NPIPB11: variants seen among roughly 807,000 people sequenced by gnomAD.
NPIPB11 encodes the protein nuclear pore complex-interacting protein family member B11.
In NPIPB11, 17 loss-of-function variants were observed where a neutral mutation model predicts 32.8. The ratio of observed to expected loss-of-function variants is 0.52; its 90% confidence interval spans 0.35 to 0.78. The LOEUF (loss-of-function observed/expected upper bound fraction) is 0.78. Ranked by LOEUF, NPIPB11 falls within the 30% of genes least tolerant of loss-of-function variation. The pLI is 0.01. For missense variants in NPIPB11, 537 were observed against 1,000.4 expected (o/e 0.54, Z 6.25); for synonymous variants, 209 against 398.4 (o/e 0.52, Z 5.66).
chr16:29,390,412 T>A (rs1475043071), intron 3 of NPIPB11, 64 bp from the exon 4 acceptor site: 28 of 1,595,052 alleles, frequency 1.8e-5, no homozygotes, highest in Non-Finnish European at 2.4e-5. Flanking sequence ...ATCCCAGTAC[T>A]TCGGGAAGCT....
upstream of NPIPB11, among the ~76,000 whole-genome samples, chr16:29,405,222 A>G (rs1395568707): frequency 6.6e-6 from 1 of 152,072 alleles, no homozygotes; most frequent in Non-Finnish European, 1.5e-5. Flanking sequence ...TTTCCTAAAT[A>G]TGCAAGAAAA....
chr16:29,392,578 TG>T (rs1419255412), intron 3 of NPIPB11, among the ~76,000 whole-genome samples: 1 of 150,896 alleles, frequency 6.6e-6, no homozygotes, highest in Non-Finnish European at 1.5e-5. Flanking sequence ...GGCATGGTGG[TG>T]GGCACCTGTA....
intron 5 of NPIPB11, among the ~76,000 whole-genome samples, chr16:29,389,260 G>T (rs944672393): frequency 6.6e-6 from 1 of 150,720 alleles, no homozygotes; most frequent in African/African-American, 2.4e-5. Context: ...AGCTACTCGG[G>T]AGGCTGAGGC....
chr16:29,402,867 G>A (rs1964030186), intron 2 of NPIPB11, among the ~76,000 whole-genome samples: 1 of 126,016 alleles, frequency 7.9e-6, no homozygotes. Context: ...ATTACTATTG[G>A]ACTTTTTGTA....
At chr16:29,396,865 A>G (rs1223429759) in intron 2 of NPIPB11, among the ~76,000 whole-genome samples, 1 of 150,906 alleles carries the variant, frequency 6.6e-6, no homozygotes, top group Non-Finnish European at 1.5e-5. Context: ...AAGGTTATAT[A>G]TTTTGGCCAG....
chr16:29,406,214 G>A (rs565831798), upstream of NPIPB11, among the ~76,000 whole-genome samples: 346 of 152,316 alleles, frequency 2.3e-3, 1 homozygote, highest in African/African-American at 8.2e-3. Context: ...GATTTATTTG[G>A]TAGATTAAAT....
intron 5 of NPIPB11, among the ~76,000 whole-genome samples, chr16:29,389,194 C>CAAAA (rs1166217249): frequency 4.0e-5 from 2 of 50,328 alleles, no homozygotes; most frequent in African/African-American, 1.5e-4. Context: ...GACTCTGTCT[C>CAAAA]AAAAAAAAAA....
At chr16:29,402,846 CTAATT>C (rs944230535) in intron 2 of NPIPB11, among the ~76,000 whole-genome samples, 17 of 132,558 alleles carry the variant, frequency 1.3e-4, no homozygotes, top group South Asian at 2.4e-4. Context: ...AACTTAATGA[CTAATT>C]TAATTATTAC....
chr16:29,400,986 T>A (rs376365876), intron 2 of NPIPB11, among the ~76,000 whole-genome samples: 10 of 152,124 alleles, frequency 6.6e-5, no homozygotes, highest in Non-Finnish European at 1.0e-4. Context: ...TGGGGCCTCA[T>A]GGAGCATCTC....
upstream of NPIPB11, among the ~76,000 whole-genome samples, chr16:29,406,697 G>C (rs1362529835): frequency 2.6e-5 from 4 of 151,644 alleles, no homozygotes; most frequent in Non-Finnish European, 5.9e-5. Flanking sequence ...CTGGGTGACA[G>C]AGGTAGAATC....
upstream of NPIPB11, among the ~76,000 whole-genome samples, chr16:29,405,615 A>G (rs1964097292): frequency 6.6e-6 from 1 of 152,154 alleles, no homozygotes; most frequent in East Asian, 1.9e-4. Flanking sequence ...TCACACGGCT[A>G]GTAAGTGTGG....
At chr16:29,394,542 C>T in intron 2 of NPIPB11, among the ~76,000 whole-genome samples, 1 of 150,988 alleles carries the variant, frequency 6.6e-6, no homozygotes, top group Non-Finnish European at 1.5e-5. Flanking sequence ...TCAAGCCATT[C>T]TCCTGCCTCA....
chr16:29,400,933 CCT>C lies in NPIPB11; in HGVS notation c.120+2748_120+2749del, dbSNP rs200711738. On this transcript the variant is annotated intron_variant, in intron 2 of 7. Transcript: ENST00000524087. ...CCCCCACTATCCCCACAGACGATTC[CCT>C]GTCCCTTGCCTCATGCTCCGGCAGG... 2.5e-3 allele frequency among the ~76,000 whole-genome samples: 381 copies of C among 152,192 alleles called. 4 individuals are homozygous for C. In the East Asian group the frequency reaches 0.027, roughly 11 times the overall value.
At chr16:29,397,998 G>A (rs1171639921) in intron 2 of NPIPB11, among the ~76,000 whole-genome samples, 22 of 89,230 alleles carry the variant, frequency 2.5e-4, no homozygotes, top group South Asian at 1.6e-3. Context: ...ATTAGAGGGA[G>A]ACAAAAAGGT....
At chr16:29,394,632 A>G (rs916311841) in intron 2 of NPIPB11, among the ~76,000 whole-genome samples, 1 of 151,640 alleles carries the variant, frequency 6.6e-6, no homozygotes, top group African/African-American at 2.4e-5. Context: ...ATGAGGTTTC[A>G]CCATGTTGGC....
intron 3 of NPIPB11, among the ~76,000 whole-genome samples, chr16:29,390,562 G>A (rs539467328): frequency 5.3e-5 from 8 of 150,772 alleles, no homozygotes; most frequent in Admixed American, 2.0e-4. Flanking sequence ...CTGAGGCAGA[G>A]AACCGTTTGA....
chr16:29,390,458 G>C lies in NPIPB11; in HGVS notation c.250-110C>G, dbSNP rs1374442991. On this transcript the variant is annotated intron_variant, in intron 3 of 7. Coordinates refer to ENST00000524087, the Ensembl canonical transcript of NPIPB11. ...GATCACGGGGTCAGGAGCAAGACCA[G>C]CCTGGCCAAGATGGTGAAACCCCAT... is the stretch of plus-strand genomic sequence containing the variant. 20 of 1,540,390 alleles carry C rather than the reference G, an allele frequency of 1.3e-5. No individual in the cohort carries two copies. In the Middle Eastern group the frequency reaches 1.2e-3, roughly 89 times the overall value.
chr16:29,403,030 T>G (rs1596685697), intron 2 of NPIPB11, among the ~76,000 whole-genome samples: 1 of 151,100 alleles, frequency 6.6e-6, no homozygotes, highest in Admixed American at 6.6e-5. Flanking sequence ...TGTTAAAAAG[T>G]AGTTTAGAAG....
chr16:29,389,767 G>A (rs1963666544), intron 5 of NPIPB11, among the ~76,000 whole-genome samples, 174 bp downstream of exon 5: 1 of 150,838 alleles, frequency 6.6e-6, no homozygotes, highest in Non-Finnish European at 1.5e-5. Flanking sequence ...CAAGAATGTA[G>A]GAAGGGAAAG....
Sources: allele counts gnomAD v4.1 joint callset (sites outside exome capture counted in the v4.1 genomes callset), GRCh38; gene constraint gnomAD v4.1.1; transcripts MANE v1.5; gene names NCBI Gene and HGNC (gene_info 2026-07-23, HGNC 2026-07-21).